TUSC3: variants seen among roughly 807,000 people sequenced by gnomAD.
TUSC3 encodes the protein dolichyl-diphosphooligosaccharide--protein glycosyltransferase subunit TUSC3.
TUSC3 carries 45 observed loss-of-function variants against 44.8 expected under a neutral mutation model. The ratio of observed to expected loss-of-function variants is 1.00; its 90% CI spans 0.79 to 1.29. The LOEUF (loss-of-function observed/expected upper bound fraction) is 1.29, where lower values mean the gene tolerates loss of function less well. Ranked by LOEUF, TUSC3 falls within the 50% of genes most tolerant of loss-of-function variation. The probability of loss-of-function intolerance (pLI) is 0.00; values close to 1 mark genes in which losing one functional copy is unlikely to be tolerated. For synonymous variants in TUSC3, 212 were observed against 152.9 expected, an observed-to-expected ratio of 1.39 and a Z score of -2.85; for missense variants, 519 against 437.9, an observed-to-expected ratio of 1.19 and a Z score of -1.65.
chr8:15,710,694 GTTAT>G (rs971935798), intron 6 of TUSC3, among the ~76,000 whole-genome samples: 1 of 151,450 alleles, frequency 6.6e-6, no homozygotes, highest in African/African-American at 2.4e-5. Flanking sequence ...AGATTCCCAG[GTTAT>G]TTGAGTGAAA....
intron 6 of TUSC3, among the ~76,000 whole-genome samples, chr8:15,716,211 G>C (rs899374362): frequency 1.3e-5 from 2 of 152,236 alleles, no homozygotes; most frequent in African/African-American, 4.8e-5. Flanking sequence ...AGCCAAGGTT[G>C]TGCCACTGCA....
upstream of TUSC3, chr8:15,540,138 G>T: frequency 2.6e-6 from 1 of 385,668 alleles, no homozygotes; most frequent in Non-Finnish European, 4.6e-6. Flanking sequence ...CGCTGGTCCG[G>T]GAAAGGCAAG....
At chr8:15,504,649 G>T (rs867847475) in intron 2 of TUSC3, among the ~76,000 whole-genome samples, 10 of 68,542 alleles carry the variant, frequency 1.5e-4, no homozygotes, top group Non-Finnish European at 2.5e-4. Flanking sequence ...TTTTAAGTGG[G>T]TTTTTTTTTG....
chr8:15,851,519 T>C, the TUSC3 span, among the ~76,000 whole-genome samples: 2 of 152,180 alleles, frequency 1.3e-5, no homozygotes, highest in African/African-American at 4.8e-5. Flanking sequence ...ATTCTCATTT[T>C]ACAGATGAAG....
the TUSC3 span, among the ~76,000 whole-genome samples, chr8:15,832,404 T>C: frequency 2.6e-5 from 4 of 152,112 alleles, no homozygotes; most frequent in African/African-American, 7.2e-5. Flanking sequence ...GCTAACATCA[T>C]GATGACAGGA....
chr8:15,736,778 T>C (rs1030501346), intron 7 of TUSC3, among the ~76,000 whole-genome samples: 1 of 152,144 alleles, frequency 6.6e-6, no homozygotes, highest in African/African-American at 2.4e-5. Context: ...CATTTAAAAT[T>C]TTATTTAAAA....
At chr8:15,774,780 C>T in the TUSC3 span, among the ~76,000 whole-genome samples, 1 of 151,976 alleles carries the variant, frequency 6.6e-6, no homozygotes, top group Non-Finnish European at 1.5e-5. Context: ...TGACATATCA[C>T]TCTGATGTGT....
intron 6 of TUSC3, among the ~76,000 whole-genome samples, chr8:15,678,835 T>G (rs1430274010): frequency 6.6e-6 from 1 of 152,196 alleles, no homozygotes; most frequent in Non-Finnish European, 1.5e-5. Context: ...TATGTTCGTA[T>G]GCACCCAAGG....
At chr8:15,612,709 C>A (rs190971540) in intron 1 of TUSC3, among the ~76,000 whole-genome samples, 1 of 152,080 alleles carries the variant, frequency 6.6e-6, no homozygotes, top group African/African-American at 2.4e-5. Context: ...GACCTTCTAA[C>A]CTTTGTTTTT....
At chr8:15,772,356 T>TA in the TUSC3 span, among the ~76,000 whole-genome samples, 2 of 152,168 alleles carry the variant, frequency 1.3e-5, no homozygotes, top group African/African-American at 2.4e-5. Context: ...GGAACATTAA[T>TA]ACCCACCTTG....
At chr8:15,456,981 A>G (rs1477942251) in intron 1 of TUSC3, among the ~76,000 whole-genome samples, 1 of 152,210 alleles carries the variant, frequency 6.6e-6, no homozygotes, top group Non-Finnish European at 1.5e-5. Context: ...TGTACAGAAG[A>G]TACTCATGTT....
chr8:15,442,903 T>G (rs1800039252), intron 1 of TUSC3, among the ~76,000 whole-genome samples: 1 of 152,272 alleles, frequency 6.6e-6, no homozygotes, highest in South Asian at 2.1e-4. Flanking sequence ...CTGATCAAGT[T>G]TCTCTCCCCC....
intron 2 of TUSC3, among the ~76,000 whole-genome samples, chr8:15,643,144 G>A (rs1206045378): frequency 6.6e-6 from 1 of 152,108 alleles, no homozygotes; most frequent in African/African-American, 2.4e-5. Flanking sequence ...CTGCCGCCTT[G>A]TGAAGAAGGT....
chr8:15,710,062 T>C (rs1809780389), intron 6 of TUSC3, among the ~76,000 whole-genome samples: 1 of 151,884 alleles, frequency 6.6e-6, no homozygotes, highest in South Asian at 2.1e-4. Context: ...ATCTACAGTC[T>C]ATACTGTTTT....
intron 2 of TUSC3, among the ~76,000 whole-genome samples, chr8:15,533,186 C>T (rs1290601251): frequency 6.6e-6 from 1 of 152,186 alleles, no homozygotes; most frequent in Non-Finnish European, 1.5e-5. Context: ...CCTCCTTCTG[C>T]CATAATTGTG....
At chr8:15,640,700 C>T (rs1333616732) in intron 2 of TUSC3, among the ~76,000 whole-genome samples, 3 of 152,086 alleles carry the variant, frequency 2.0e-5, no homozygotes, top group African/African-American at 4.8e-5. Context: ...TATATTGATA[C>T]TGGCATATAT....
the TUSC3 span, among the ~76,000 whole-genome samples, chr8:15,801,915 G>A: frequency 2.0e-5 from 3 of 152,208 alleles, no homozygotes; most frequent in East Asian, 1.9e-4. Flanking sequence ...AAATCCTGGT[G>A]AAAAGGCATG....
At chr8:15,608,220 G>A (rs1292692405) in intron 1 of TUSC3, among the ~76,000 whole-genome samples, 2 of 151,954 alleles carry the variant, frequency 1.3e-5, no homozygotes, top group Non-Finnish European at 2.9e-5. Context: ...TCCTTATTTT[G>A]ATTGAGTTCT....
chr8:15,848,047 G>C, the TUSC3 span, among the ~76,000 whole-genome samples: 1 of 152,216 alleles, frequency 6.6e-6, no homozygotes, highest in South Asian at 2.1e-4. Context: ...CTGCTTTTCA[G>C]GACTCACTAT....
Sources: gnomAD v4.1 joint callset for allele counts (sites outside exome capture counted in the v4.1 genomes callset) on GRCh38, gnomAD v4.1.1 for gene constraint, MANE v1.5 for transcripts, NCBI Gene and HGNC (gene_info 2026-07-23, HGNC 2026-07-21) for gene names.